KCNAB1: variants seen among roughly 807,000 people sequenced by gnomAD.
The protein encoded by KCNAB1 is voltage-gated potassium channel subunit beta-1.
In KCNAB1, 35 loss-of-function variants were observed where a neutral mutation model predicts 64.6. The ratio of observed to expected loss-of-function variants is 0.54; its 90% confidence interval spans 0.41 to 0.72. The LOEUF (loss-of-function observed/expected upper bound fraction) is 0.72. Among genes scored for constraint, KCNAB1 ranks in the 30% least tolerant of loss-of-function variants. The probability of loss-of-function intolerance (pLI) is 0.00; values close to 1 mark genes in which losing one functional copy is unlikely to be tolerated. For synonymous variants in KCNAB1, 177 were observed against 183.8 expected, an observed-to-expected ratio of 0.96 and a Z score of 0.30; for missense variants, 401 against 512.9, an observed-to-expected ratio of 0.78 and a Z score of 2.11.
At position 156,335,402 on chromosome 3, in the gene KCNAB1, C is replaced by G. The variant is rs759842285; in HGVS notation, c.276-86214C>G. Among the ~76,000 whole-genome samples the G allele has an allele frequency of 2.6e-5, 4 of 152,186 alleles. No individual in the cohort carries two copies. The South Asian group carries it at 8.3e-4, about 32-fold the overall frequency. Reference sequence around the variant, plus strand: ...CACCACTTTATACATACACCAATCACGACACCAGCTGACACCTCCATTACT... The same window carrying G: ...CACCACTTTATACATACACCAATCAGGACACCAGCTGACACCTCCATTACT... On this transcript the variant is annotated intron_variant, in intron 1 of 13. Transcript: ENST00000490337.
chr3:156,306,706 G>A (rs1721515372), intron 1 of KCNAB1, among the ~76,000 whole-genome samples: 1 of 152,192 alleles, frequency 6.6e-6, no homozygotes, highest in Non-Finnish European at 1.5e-5. Flanking sequence ...TCCAAGGCAC[G>A]TGATGGCCCT....
chr3:156,432,851 T>C (rs1306089864), intron 2 of KCNAB1, among the ~76,000 whole-genome samples: 1 of 152,144 alleles, frequency 6.6e-6, no homozygotes, highest in Non-Finnish European at 1.5e-5. Context: ...CAGGTGACCT[T>C]CTGTCTGACT....
intron 1 of KCNAB1, among the ~76,000 whole-genome samples, chr3:156,171,842 G>T (rs1712014687): frequency 6.6e-6 from 1 of 152,106 alleles, no homozygotes; most frequent in Admixed American, 6.5e-5. Flanking sequence ...GCCTATTGGT[G>T]GATTCCATTT....
chr3:156,321,967 A>C (rs998361774), intron 1 of KCNAB1, among the ~76,000 whole-genome samples: 3 of 152,230 alleles, frequency 2.0e-5, no homozygotes, highest in African/African-American at 7.2e-5. Context: ...AAGGCTCCAC[A>C]CTAGAAGCCA....
rs1005237756 is a variant in KCNAB1 at position 156,508,893 on chromosome 3, G to A, written c.659-5471G>A. Among the ~76,000 whole-genome samples the A allele has an allele frequency of 1.3e-5, 2 of 152,174 alleles. No homozygotes were observed. The highest frequency in any genetic ancestry group is 2.9e-5 in the Non-Finnish European group (2 of 68,034). ...AATAATGATTATTTCAACCTGGAAA[G>A]GAGCGCAGAGGGAGGACTTAACAAA... On this transcript the variant is annotated intron_variant, in intron 8 of 13. Coordinates refer to ENST00000490337, the MANE Select transcript of KCNAB1 (RefSeq NM_172160.3). This position sits in a 1 kb window ranked among gnomAD's most constrained non-coding sequence, Gnocchi z 4.1.
intron 1 of KCNAB1, among the ~76,000 whole-genome samples, chr3:156,166,528 TATACACACAC>T (rs914066251): frequency 2.1e-5 from 3 of 145,074 alleles, no homozygotes; most frequent in Non-Finnish European, 3.1e-5. Context: ...AAAATACATA[TATACACACAC>T]ACACACACAC....
At position 156,192,231 on chromosome 3, in the gene KCNAB1, A is replaced by G. The variant is rs1713605554; in HGVS notation, c.275+71345A>G. ...TTATTGCAGAGTTGTGTCCCATTGT[A>G]TGGATCTATTGCAATTTATTTATTT... On this transcript the variant is annotated intron_variant, in intron 1 of 13. Transcript: ENST00000490337. Among the ~76,000 whole-genome samples, 3 of 152,054 alleles carry G rather than the reference A, an allele frequency of 2.0e-5. No individual in the cohort carries two copies. The South Asian group carries it at 6.2e-4, about 32-fold the overall frequency.
chr3:156,272,054 C>G (rs909614676), intron 1 of KCNAB1, among the ~76,000 whole-genome samples: 1 of 152,232 alleles, frequency 6.6e-6, no homozygotes, highest in African/African-American at 2.4e-5. Flanking sequence ...TTCTCCCATA[C>G]AGAGTCTGTC....
chr3:156,231,392 A>G (rs978947907), intron 1 of KCNAB1, among the ~76,000 whole-genome samples: 7 of 152,120 alleles, frequency 4.6e-5, no homozygotes, highest in Non-Finnish European at 8.8e-5. Flanking sequence ...ACCCCAAAAT[A>G]TATTTCCTTG....
intron 1 of KCNAB1, among the ~76,000 whole-genome samples, chr3:156,232,521 T>C (rs1716595320): frequency 6.6e-6 from 1 of 152,238 alleles, no homozygotes; most frequent in African/African-American, 2.4e-5. Context: ...CCAGCTAAAC[T>C]ACAGGCTTGG....
At chr3:156,354,053 G>A (rs981574717) in intron 1 of KCNAB1, among the ~76,000 whole-genome samples, 3 of 139,322 alleles carry the variant, frequency 2.2e-5, no homozygotes, top group South Asian at 4.3e-4. Context: ...ATATATGTGT[G>A]TGTGTGTGTG....
chr3:156,341,592 A>G (rs562269363), intron 1 of KCNAB1, among the ~76,000 whole-genome samples: 72 of 152,148 alleles, frequency 4.7e-4, no homozygotes, highest in Non-Finnish European at 9.4e-4. Flanking sequence ...GGTCTGTGTC[A>G]TGGTGCTACA....
chr3:156,535,794 TC>T (rs1719014077), intron 13 of KCNAB1, among the ~76,000 whole-genome samples: 1 of 107,272 alleles, frequency 9.3e-6, no homozygotes, highest in South Asian at 3.0e-4. Context: ...GTAATACATA[TC>T]TAATATCTGT....
At chr3:156,229,136 G>A (rs898531052) in intron 1 of KCNAB1, among the ~76,000 whole-genome samples, 1 of 152,182 alleles carries the variant, frequency 6.6e-6, no homozygotes, top group Non-Finnish European at 1.5e-5. Flanking sequence ...TCTTTCTATG[G>A]TGTATTAGTT....
chr3:156,173,062 G>A (rs1437835685), intron 1 of KCNAB1, among the ~76,000 whole-genome samples: 7 of 152,332 alleles, frequency 4.6e-5, no homozygotes, highest in African/African-American at 1.7e-4. Flanking sequence ...CAAGTGTTTA[G>A]AAAAGGCTTC....
rs557076619 is a variant in KCNAB1, at chr3:156,143,725, A to C, written c.275+22839A>C. Among the ~76,000 whole-genome samples the C allele has an allele frequency of 4.0e-4, 60 of 151,676 alleles. No individual in the cohort carries two copies. In the East Asian group the frequency reaches 8.7e-3, roughly 22 times the overall value. On this transcript the variant is annotated intron_variant, in intron 1 of 13. Coordinates refer to ENST00000490337, the MANE Select transcript of KCNAB1 (RefSeq NM_172160.3). The stretch of plus-strand genomic sequence containing the variant: ...GAGTAGGGAGGTGATTTGGCAGGTC[A>C]AAATGAAGAGTGGGGACTCCATTCT...
At chr3:156,200,488 G>T (rs745783863) in intron 1 of KCNAB1, among the ~76,000 whole-genome samples, 2 of 152,210 alleles carry the variant, frequency 1.3e-5, no homozygotes, top group Non-Finnish European at 2.9e-5. Flanking sequence ...CCTGACTGGG[G>T]CTGGTGCCTT....
chr3:156,475,635 C>T (rs188977390), intron 8 of KCNAB1, among the ~76,000 whole-genome samples: 211 of 152,228 alleles, frequency 1.4e-3, no homozygotes, highest in African/African-American at 4.9e-3. Flanking sequence ...TGGATTACCA[C>T]TTTTAAAATA....
intron 1 of KCNAB1, among the ~76,000 whole-genome samples, chr3:156,268,840 T>C (rs965811407): frequency 2.0e-5 from 3 of 152,190 alleles, no homozygotes; most frequent in African/African-American, 7.2e-5. Context: ...TACTCTGCTA[T>C]GCAAAAAGCT....
Sources: allele counts gnomAD v4.1 joint callset (sites outside exome capture counted in the v4.1 genomes callset), GRCh38; gene constraint gnomAD v4.1.1; non-coding constraint Gnocchi (gnomAD v3.1); transcripts MANE v1.5; gene names NCBI Gene and HGNC (gene_info 2026-07-23, HGNC 2026-07-21).